The following ITGA1 variants were observed in gnomAD, a reference collection of about 807,000 sequenced individuals.
ITGA1 encodes the protein integrin subunit alpha 1.
A neutral mutation model predicts 145.9 loss-of-function variants in ITGA1; 85 were observed. The ratio of observed to expected loss-of-function variants is 0.58; its 90% CI spans 0.49 to 0.70. The LOEUF is 0.70. ITGA1 is among the 30% of genes least tolerant of loss of function. The probability of loss-of-function intolerance (pLI) is 0.00; values close to 1 mark genes in which losing one functional copy is unlikely to be tolerated. For missense variants in ITGA1, 1,351 were observed against 1,418.7 expected (o/e 0.95, Z 0.77); for synonymous variants, 520 against 495.3 (o/e 1.05, Z -0.66).
intron 6 of ITGA1, among the ~76,000 whole-genome samples, chr5:52,870,286 C>G (rs1749758722): frequency 6.6e-6 from 1 of 152,136 alleles, no homozygotes; most frequent in African/African-American, 2.4e-5. Flanking sequence ...ATTTATTCTC[C>G]CCTTTATGTA....
At chr5:52,951,499 A>C (rs1178896177) in intron 28 of ITGA1, among the ~76,000 whole-genome samples, 1 of 152,180 alleles carries the variant, frequency 6.6e-6, no homozygotes, top group Non-Finnish European at 1.5e-5. Flanking sequence ...CTCACCATCC[A>C]CCACGATGTG....
chr5:52,920,235 A>G (rs1349291752), intron 16 of ITGA1, 97 bp from the exon 17 acceptor site: 1 of 944,886 alleles, frequency 1.1e-6, no homozygotes, highest in Non-Finnish European at 1.5e-6. Flanking sequence ...ATTGATTGCC[A>G]AAGAGATTTT....
At position 52,936,077 on chromosome 5, in the gene ITGA1, G is replaced by A; in HGVS notation, c.2965-1324G>A. On this transcript the variant is annotated intron_variant, in intron 23 of 28. Coordinates refer to ENST00000282588, the MANE Select transcript of ITGA1 (RefSeq NM_181501.2). ...TGCAAGCTCCGCCTCCCGGGTTCAC[G>A]CCATTCTCCTGCCTCAGCCTCCCAA... Among the ~76,000 whole-genome samples, 4 of 27,402 alleles carry A rather than the reference G, an allele frequency of 1.5e-4. 2 individuals are homozygous for A. In the South Asian group the frequency reaches 6.8e-3, roughly 47 times the overall value. The allele number at this position is 27,402 out of a possible 152,430, so 18.0% of individuals were successfully genotyped here. A position where few individuals can be genotyped will look rare whatever the true frequency, so the allele number is the denominator to read the frequency against.
chr5:52,922,195 G>A (rs981681823), intron 17 of ITGA1, among the ~76,000 whole-genome samples: 4 of 116,444 alleles, frequency 3.4e-5, no homozygotes, highest in African/African-American at 1.1e-4. Flanking sequence ...CAGCTAGTCG[G>A]GAGGCTGAGG....
At chr5:52,905,127 C>T (rs1345543232) in intron 11 of ITGA1, 1 of 152,074 alleles carries the variant, frequency 6.6e-6, no homozygotes, top group African/African-American at 2.4e-5. Context: ...AAACGTGATC[C>T]AGTGATCTAT....
chr5:52,798,462 C>T (rs1349102825), intron 1 of ITGA1, among the ~76,000 whole-genome samples: 1 of 152,108 alleles, frequency 6.6e-6, no homozygotes, highest in South Asian at 2.1e-4. Context: ...AATGTTGAGA[C>T]AAGTCTCAAT....
chr5:52,931,164 G>T (rs1750889207), intron 21 of ITGA1: 2 of 152,126 alleles, frequency 1.3e-5, no homozygotes, highest in African/African-American at 4.8e-5. Flanking sequence ...TGGTGGAGGG[G>T]TATGTGTAAA....
intron 14 of ITGA1, among the ~76,000 whole-genome samples, chr5:52,914,540 GCAGGAGAAT>G (rs1274571094): frequency 4.0e-5 from 6 of 151,732 alleles, no homozygotes; most frequent in Non-Finnish European, 8.8e-5. Context: ...GGAGGCAGAG[GCAGGAGAAT>G]CACTTGAACC....
chr5:52,833,094 A>T (rs1275002529), intron 1 of ITGA1, among the ~76,000 whole-genome samples: 1 of 151,754 alleles, frequency 6.6e-6, no homozygotes, highest in African/African-American at 2.4e-5. Context: ...TGGGAGGCTG[A>T]TGTGGGAGGA....
chr5:52,932,202 C>G, intron 22 of ITGA1, 66 bp downstream of exon 22: 2 of 974,610 alleles, frequency 2.1e-6, no homozygotes, highest in Non-Finnish European at 3.2e-6. Context: ...AAAGTGTGGT[C>G]CCTGCCTGGC....
intron 1 of ITGA1, among the ~76,000 whole-genome samples, chr5:52,798,614 G>A (rs1748392100): frequency 6.6e-6 from 1 of 152,120 alleles, no homozygotes; most frequent in African/African-American, 2.4e-5. Context: ...CATGTGAGAG[G>A]GTAGCAGGGG....
rs1202779169 is a variant in ITGA1 at position 52,920,350 on chromosome 5, C to A, written c.2174C>A (p.Thr725Asn). Reference protein sequence around the residue: ...IYEADLQYRVTLDSLRQISRS... With the variant: ...IYEADLQYRVNLDSLRQISRS... ...TTTGTAGATTTGCAGTACCGTGTCACCCTAGATTCACTAAGACAAATATCA... is the reference window on the plus strand; with the variant it reads ...TTTGTAGATTTGCAGTACCGTGTCAACCTAGATTCACTAAGACAAATATCA... Residue 725 changes from threonine to asparagine, a missense_variant, in exon 17 of 29, where the codon ACC becomes AAC. By Grantham distance (65) the Thr-to-Asn change is moderately conservative. Transcript: ENST00000282588. The A allele has an allele frequency of 6.2e-7, 1 of 1,603,946 alleles. No individual in the cohort carries two copies. The highest frequency in any genetic ancestry group is 1.3e-5 in the African/African-American group (1 of 74,488).
Position 52,887,913 on chromosome 5 carries a change from A to G in ITGA1, c.872A>G (p.Lys291Arg), listed in dbSNP as rs766572698. The change falls in exon 8 of 29, where the codon AAG becomes AGG. Residue 291 changes from lysine (K) to arginine (R), a missense_variant. By Grantham distance (26) the Lys-to-Arg change is conservative. Transcript: ENST00000282588. ...GAGTCTCATGACAATCATCGACTGA[A>G]GAAGGTCATCCAAGACTGTGAAGAT... ...DGESHDNHRL[K>R]KVIQDCEDEN... The G allele has an allele frequency of 8.1e-6, 13 of 1,614,066 alleles. No homozygotes were observed. Among genetic ancestry groups the G allele is most frequent in the Middle Eastern group, 1.7e-4 (1 of 6,060 alleles).
chr5:52,952,050 C>A (rs1751228500), intron 28 of ITGA1, among the ~76,000 whole-genome samples: 1 of 151,894 alleles, frequency 6.6e-6, no homozygotes, highest in South Asian at 2.1e-4. Flanking sequence ...ATTAGCTGGG[C>A]ATGGTGGTGC....
intron 1 of ITGA1, among the ~76,000 whole-genome samples, chr5:52,789,426 G>A (rs1381186440): frequency 6.6e-6 from 1 of 152,142 alleles, no homozygotes; most frequent in African/African-American, 2.4e-5. Flanking sequence ...CTAAAAACAG[G>A]GTAGAGCCAG....
chr5:52,845,086 G>T (rs990316541), intron 1 of ITGA1, among the ~76,000 whole-genome samples: 4 of 152,032 alleles, frequency 2.6e-5, no homozygotes, highest in African/African-American at 4.8e-5. Context: ...GAAAAAAGAA[G>T]TACAGCACAC....
At chr5:52,848,583 AT>A (rs917859558) in intron 1 of ITGA1, among the ~76,000 whole-genome samples, 43 of 151,298 alleles carry the variant, frequency 2.8e-4, no homozygotes, top group African/African-American at 9.4e-4. Context: ...TATTATTATT[AT>A]TTTTTTATTA....
chr5:52,872,413 G>A (rs774585418), intron 6 of ITGA1, among the ~76,000 whole-genome samples: 27 of 151,894 alleles, frequency 1.8e-4, no homozygotes, highest in Non-Finnish European at 4.0e-4. Flanking sequence ...ATTCCGAAGT[G>A]AGTTCAGAAC....
intron 1 of ITGA1, among the ~76,000 whole-genome samples, chr5:52,789,256 G>A (rs1306151449): frequency 6.6e-6 from 1 of 152,022 alleles, no homozygotes; most frequent in East Asian, 1.9e-4. Context: ...AATGGAAGAA[G>A]GTGGGGGGAA....
Sources: gnomAD v4.1 joint callset for allele counts (sites outside exome capture counted in the v4.1 genomes callset) on GRCh38, gnomAD v4.1.1 for gene constraint, MANE v1.5 for transcripts, NCBI Gene and HGNC (gene_info 2026-07-23, HGNC 2026-07-21) for gene names.